The following GMFG variants were observed in gnomAD, a reference collection of about 807,000 sequenced individuals.
GMFG encodes glia maturation factor gamma.
GMFG carries 21 observed loss-of-function variants against 26.1 expected under a neutral mutation model. The observed-to-expected ratio is 0.80, with a 90% CI of 0.57 to 1.16. The LOEUF is 1.16. GMFG is among the 50% of genes most tolerant of loss of function. The pLI is 0.00. For synonymous variants in GMFG, 65 were observed against 60.8 expected (o/e 1.07, Z -0.32); for missense variants, 161 against 178.3 (o/e 0.90, Z 0.55).
In GMFG at chr19:39,328,518, T is replaced by C. The variant is rs772616377; in HGVS notation, c.388A>G (p.Thr130Ala). ...VFEIRTTDDL[T>A]EAWLQEKLSF... ...AACTTTTCTTGGAGCCAGGCCTCAG[T>C]GAGGTCATCAGTGGTGCGGATTTCG... The change falls in exon 7 of 7, where the codon ACT becomes GCT. Residue 130 changes from threonine to alanine, a missense_variant. Thr to Ala is a moderately conservative substitution (Grantham distance 58). Coordinates refer to ENST00000597595, the MANE Select transcript of GMFG (RefSeq NM_004877.4). 6.2e-7 allele frequency: 1 copy of C among 1,613,198 alleles called. No individual in the cohort carries two copies. The highest frequency in any genetic ancestry group is 8.5e-7 in the Non-Finnish European group (1 of 1,179,316).
chr19:39,329,411 C>A, intron 5 of GMFG, 133 bp downstream of exon 5: 1 of 676,038 alleles, frequency 1.5e-6, no homozygotes, highest in South Asian at 1.7e-5. Flanking sequence ...CACACACATC[C>A]TCACCCAGTC....
intron 4 of GMFG, among the ~76,000 whole-genome samples, chr19:39,332,211 T>TC (rs1003640041): frequency 6.3e-4 from 96 of 151,578 alleles, no homozygotes; most frequent in Non-Finnish European, 2.1e-4. Context: ...GCCCCTGTAA[T>TC]CCCAGCTACT....
chr19:39,328,879 TA>T (rs139805164), intron 6 of GMFG, 120 bp downstream of exon 6: 10 of 781,964 alleles, frequency 1.3e-5, no homozygotes, highest in Non-Finnish European at 2.0e-5. Context: ...CCCAGTTCTT[TA>T]AAAAAACAAA....
chr19:39,334,017 CTTTTTTTTT>C (rs71169586), intron 3 of GMFG, among the ~76,000 whole-genome samples: 15 of 94,960 alleles, frequency 1.6e-4, no homozygotes, highest in East Asian at 3.5e-4. Flanking sequence ...GAGATGGAGT[CTTTTTTTTT>C]TTTTTTTTTT....
At chr19:39,331,090 G>A (rs1382409840) in intron 4 of GMFG, among the ~76,000 whole-genome samples, 2 of 152,158 alleles carry the variant, frequency 1.3e-5, no homozygotes, top group Non-Finnish European at 2.9e-5. Context: ...ATGAGGATAT[G>A]CGCAGGCAGA....
At chr19:39,330,180 A>G (rs2075220861) in intron 4 of GMFG, among the ~76,000 whole-genome samples, 1 of 152,154 alleles carries the variant, frequency 6.6e-6, no homozygotes, top group Admixed American at 6.6e-5. Context: ...CTGAGGCCCA[A>G]AGTCACTTGC....
chr19:39,328,568 G>T lies in GMFG; in HGVS notation c.358-20C>A. On this transcript the variant is annotated intron_variant, in intron 6 of 6. Coordinates refer to ENST00000597595, the MANE Select transcript of GMFG (RefSeq NM_004877.4). ...GAACACCTGGGCAGAGAGAGGTCTCGGCATTATGATCTACTCAAACACTGA... is the reference window on the plus strand; with the variant it reads ...GAACACCTGGGCAGAGAGAGGTCTCTGCATTATGATCTACTCAAACACTGA... The T allele has an allele frequency of 6.3e-7, 1 of 1,584,778 alleles. No individual in the cohort carries two copies. The highest frequency in any genetic ancestry group is 8.7e-7 in the Non-Finnish European group (1 of 1,153,802).
Position 39,329,035 on chromosome 19 carries a change from T to A in GMFG, c.322A>T (p.Lys108Ter). Residue 108 changes from lysine (K) to a stop codon, truncating the protein, a stop_gained, in exon 6 of 7, where the codon AAA becomes TAA. Coordinates refer to ENST00000597595, the MANE Select transcript of GMFG (RefSeq NM_004877.4). LOFTEE classifies it high-confidence loss of function. ...PEQQMMYAGS[K>*]NRLVQTAELT... is the part of the protein sequence containing the mutation. ...TCTGCTGTCTGCACCAGCCTGTTTT[T>A]ACTCCCTGCATACATCATCTGTTGT... is the stretch of plus-strand genomic sequence containing the variant. 1.2e-6 allele frequency: 2 copies of A among 1,613,910 alleles called. No homozygotes were observed. Among genetic ancestry groups the A allele is most frequent in the Non-Finnish European group, 1.7e-6 (2 of 1,179,774 alleles).
chr19:39,335,935 C>G (rs376637474), intron 1 of GMFG, 39 bp downstream of exon 1: 45 of 1,435,678 alleles, frequency 3.1e-5, no homozygotes, highest in Non-Finnish European at 4.1e-5. Context: ...AGCCCCAACC[C>G]CAGCCCCAGC....
chr19:39,334,088 C>T (rs1424200283), intron 3 of GMFG, among the ~76,000 whole-genome samples: 1 of 136,672 alleles, frequency 7.3e-6, no homozygotes, highest in Admixed American at 8.3e-5. Flanking sequence ...ACGATCTTGG[C>T]TCACTGCAAG....
intron 3 of GMFG, 94 bp downstream of exon 3, chr19:39,335,167 T>A (rs1328970957): frequency 2.0e-6 from 2 of 993,016 alleles, no homozygotes; most frequent in East Asian, 4.9e-5. Context: ...CAGGTCTTTC[T>A]ACCCCCATGC....
chr19:39,328,839 C>T, intron 6 of GMFG, 161 bp downstream of exon 6: 8 of 654,734 alleles, frequency 1.2e-5, no homozygotes, highest in South Asian at 1.1e-4. Context: ...GGTTGTGCCA[C>T]TGCACTCCAG....
rs376935343 is a variant in GMFG at position 39,329,907 on chromosome 19, C to T, written c.201-281G>A. ...CAGCCTGGCCAACATGGTGAAACCTCGTCTCTACTAAAAATACAAAAATTA... is the reference window on the plus strand; with the variant it reads ...CAGCCTGGCCAACATGGTGAAACCTTGTCTCTACTAAAAATACAAAAATTA... On this transcript the variant is annotated intron_variant, in intron 4 of 6. Transcript: ENST00000597595. Among the ~76,000 whole-genome samples the T allele has an allele frequency of 4.4e-4, 67 of 152,162 alleles. No homozygotes were observed. In the East Asian group the frequency reaches 0.01, roughly 24 times the overall value.
chr19:39,333,915 C>T (rs1256341325), intron 3 of GMFG, among the ~76,000 whole-genome samples: 1 of 151,546 alleles, frequency 6.6e-6, no homozygotes, highest in African/African-American at 2.4e-5. Flanking sequence ...TATCGCAACA[C>T]TAGAGAAATA....
At position 39,332,118 on chromosome 19, in the gene GMFG, A is replaced by T. The variant is rs1028574523; in HGVS notation, c.200+959T>A. 9.9e-5 allele frequency among the ~76,000 whole-genome samples: 15 copies of T among 151,760 alleles called. No individual in the cohort carries two copies. In the East Asian group the frequency reaches 2.7e-3, roughly 28 times the overall value. ...AGCACTTTGGGAGGCCGAAGCAGGG[A>T]TCACCTGAGGTTAGGAGTTCGAGAC... On this transcript the variant is annotated intron_variant, in intron 4 of 6. Coordinates refer to ENST00000597595, the MANE Select transcript of GMFG (RefSeq NM_004877.4).
intron 4 of GMFG, among the ~76,000 whole-genome samples, chr19:39,332,139 G>A (rs1248120962): frequency 5.3e-5 from 8 of 151,746 alleles, no homozygotes; most frequent in South Asian, 2.1e-4. Flanking sequence ...TTAGGAGTTC[G>A]AGACCAGCCT....
At position 39,335,455 on chromosome 19, in the gene GMFG, G is replaced by C; in HGVS notation, c.80C>G (p.Thr27Arg). Reference protein sequence around the residue: ...KLRKFRFRKETDNAAIIMKVD... With the variant: ...KLRKFRFRKERDNAAIIMKVD... ...CTCACTTATGATGGCTGCATTGTCT[G>C]TCTCTTTTCGGAAGCGGAATTTCCT... The change falls in exon 2 of 7, where the codon ACA becomes AGA. Residue 27 changes from threonine to arginine, a missense_variant. Physicochemically the swap from Thr to Arg is moderately conservative, Grantham distance 71. Transcript: ENST00000597595. 6.2e-7 allele frequency: 1 copy of C among 1,613,254 alleles called. No individual in the cohort carries two copies. Among genetic ancestry groups the C allele is most frequent in the Non-Finnish European group, 8.5e-7 (1 of 1,179,208 alleles).
rs753711107 is a variant in GMFG, at chr19:39,335,417, G to T, written c.100+18C>A. ...ACCACCGCCCTCCCATCCTTCTGTGGGGGAAGATGTCACTCACTTATGATG... is the reference window on the plus strand; with the variant it reads ...ACCACCGCCCTCCCATCCTTCTGTGTGGGAAGATGTCACTCACTTATGATG... On this transcript the variant is annotated intron_variant, in intron 2 of 6. Transcript: ENST00000597595. 1 of 1,599,542 alleles carries T rather than the reference G, an allele frequency of 6.3e-7. No individual in the cohort carries two copies. The highest frequency in any genetic ancestry group is 1.1e-5 in the South Asian group (1 of 90,774).
At position 39,332,423 on chromosome 19, in the gene GMFG, C is replaced by A. The variant is rs577872157; in HGVS notation, c.200+654G>T. 7.9e-5 allele frequency among the ~76,000 whole-genome samples: 12 copies of A among 151,618 alleles called. No individual in the cohort carries two copies. The East Asian group carries it at 2.3e-3, about 30-fold the overall frequency. ...CCTCAGGTGATCCTCCCGCCTCAGG[C>A]TCCCAAAGGGCTGAGATTACAGGTG... is the stretch of plus-strand genomic sequence containing the variant. On this transcript the variant is annotated intron_variant, in intron 4 of 6. Coordinates refer to ENST00000597595, the MANE Select transcript of GMFG (RefSeq NM_004877.4).
Sources: gnomAD v4.1 joint callset for allele counts (sites outside exome capture counted in the v4.1 genomes callset) on GRCh38, gnomAD v4.1.1 for gene constraint, MANE v1.5 for transcripts, NCBI Gene and HGNC (gene_info 2026-07-23, HGNC 2026-07-21) for gene names.